The following COMMD10 variants were observed in gnomAD, a reference collection of about 807,000 sequenced individuals.
COMMD10 encodes COMM domain containing 10.
In COMMD10, 33 loss-of-function variants were observed where a neutral mutation model predicts 28.9. The ratio of observed to expected loss-of-function variants is 1.14; its 90% CI spans 0.87 to 1.53. COMMD10 has a LOEUF of 1.53. Ranked by LOEUF, COMMD10 falls within the 40% of genes most tolerant of loss-of-function variation. The pLI is 0.00. For synonymous variants in COMMD10, 110 were observed against 81.7 expected, an observed-to-expected ratio of 1.35 and a Z score of -1.87; for missense variants, 310 against 233.4, an observed-to-expected ratio of 1.33 and a Z score of -2.14.
At chr5:116,192,369 C>T (rs1748393652) in intron 5 of COMMD10, among the ~76,000 whole-genome samples, 1 of 151,386 alleles carries the variant, frequency 6.6e-6, no homozygotes, top group African/African-American at 2.4e-5. Flanking sequence ...TTTAGGTAAT[C>T]AGGGAGGCAC....
Position 116,132,833 on chromosome 5 carries a change from G to A in COMMD10, c.400-1235G>A, listed in dbSNP as rs1218385899. Among the ~76,000 whole-genome samples, 4 of 152,222 alleles carry A rather than the reference G, an allele frequency of 2.6e-5. No homozygotes were observed. The South Asian group carries it at 8.3e-4, about 32-fold the overall frequency. Reference sequence around the variant, plus strand: ...AGAATCCTTACTTAACATGTACCATGAAATTGATTTTTTATTAGTTATTAT... The same window carrying A: ...AGAATCCTTACTTAACATGTACCATAAAATTGATTTTTTATTAGTTATTAT... On this transcript the variant is annotated intron_variant, in intron 4 of 6. Coordinates refer to ENST00000274458, the MANE Select transcript of COMMD10 (RefSeq NM_016144.4).
At chr5:116,138,562 G>C (rs1368280021) in intron 5 of COMMD10, among the ~76,000 whole-genome samples, 2 of 151,600 alleles carry the variant, frequency 1.3e-5, no homozygotes, top group Non-Finnish European at 3.0e-5. Flanking sequence ...AACCTGTTTT[G>C]TTAATACAGG....
intron 5 of COMMD10, among the ~76,000 whole-genome samples, chr5:116,261,779 C>T (rs1391181736): frequency 1.3e-5 from 2 of 151,672 alleles, no homozygotes; most frequent in South Asian, 2.1e-4. Context: ...TGAAATGTTA[C>T]CAGTGGGTTC....
At chr5:116,185,204 G>A (rs1321610876) in intron 5 of COMMD10, among the ~76,000 whole-genome samples, 1 of 150,908 alleles carries the variant, frequency 6.6e-6, no homozygotes, top group Non-Finnish European at 1.5e-5. Context: ...AAACTACAAT[G>A]TATGTCTTAA....
In COMMD10 at chr5:116,105,469, T is replaced by C. The variant is rs190242086; in HGVS notation, c.399+12769T>C. Among the ~76,000 whole-genome samples the C allele has an allele frequency of 5.7e-3, 875 of 152,344 alleles. 8 individuals carry two copies. Among genetic ancestry groups the C allele is most frequent in the African/African-American group, 0.019 (810 of 41,570 alleles). On this transcript the variant is annotated intron_variant, in intron 4 of 6. Coordinates refer to ENST00000274458, the MANE Select transcript of COMMD10 (RefSeq NM_016144.4). ...TTTTGGTATTAGGATGATGTTGGCC[T>C]CGTAAAATGAATTAGGAAGGATTCC...
At chr5:116,151,198 A>G (rs1414874295) in intron 5 of COMMD10, among the ~76,000 whole-genome samples, 4 of 151,676 alleles carry the variant, frequency 2.6e-5, no homozygotes, top group African/African-American at 9.7e-5. Context: ...CTTGCATCCC[A>G]GGGATGAAGC....
intron 5 of COMMD10, among the ~76,000 whole-genome samples, chr5:116,163,867 C>T (rs1005279082): frequency 6.6e-6 from 1 of 151,964 alleles, no homozygotes; most frequent in Admixed American, 6.6e-5. Context: ...ACCCAGTTTC[C>T]ATTTGTGTGA....
chr5:116,128,733 G>A (rs1751749676), intron 4 of COMMD10, among the ~76,000 whole-genome samples: 1 of 151,978 alleles, frequency 6.6e-6, no homozygotes, highest in Non-Finnish European at 1.5e-5. Flanking sequence ...TCTAAACAAT[G>A]TAAGGAATTA....
intron 5 of COMMD10, among the ~76,000 whole-genome samples, chr5:116,147,938 C>T (rs79076552): frequency 0.02 from 2,964 of 151,878 alleles, 92 homozygotes; most frequent in African/African-American, 0.062. Flanking sequence ...TTGTAAACAA[C>T]ATCTTTTATT....
chr5:116,218,155 C>T, intron 5 of COMMD10: 1 of 1,004,508 alleles, frequency 1.0e-6, no homozygotes, highest in Non-Finnish European at 1.6e-6. Flanking sequence ...TCTCTCCCTT[C>T]TTTGCAGGGG....
At chr5:116,272,800 C>T (rs1200053174) in intron 5 of COMMD10, among the ~76,000 whole-genome samples, 2 of 151,798 alleles carry the variant, frequency 1.3e-5, no homozygotes, top group African/African-American at 4.9e-5. Flanking sequence ...TTCTCAATCA[C>T]AATCGTGTAA....
intron 3 of COMMD10, among the ~76,000 whole-genome samples, chr5:116,091,796 A>G (rs779476652): frequency 6.6e-6 from 1 of 152,206 alleles, no homozygotes; most frequent in Non-Finnish European, 1.5e-5. Context: ...ATATAAGCCT[A>G]CCACATTGGT....
chr5:116,280,837 CAT>C (rs1463755634), intron 5 of COMMD10, among the ~76,000 whole-genome samples: 4 of 151,836 alleles, frequency 2.6e-5, no homozygotes, highest in Non-Finnish European at 4.4e-5. Context: ...TATCTGTAGA[CAT>C]ATTTAATAAA....
At chr5:116,264,196 T>A (rs1183304890) in intron 5 of COMMD10, among the ~76,000 whole-genome samples, 3 of 151,888 alleles carry the variant, frequency 2.0e-5, no homozygotes, top group African/African-American at 4.8e-5. Flanking sequence ...AGGTGTACAT[T>A]CTTAGAGGAA....
intron 5 of COMMD10, among the ~76,000 whole-genome samples, chr5:116,244,559 G>T (rs1310558540): frequency 1.3e-5 from 2 of 149,426 alleles, no homozygotes; most frequent in Non-Finnish European, 3.0e-5. Flanking sequence ...CTGAGGAGGG[G>T]TAAAGAATAG....
At chr5:116,251,370 C>T (rs1750114160) in intron 5 of COMMD10, among the ~76,000 whole-genome samples, 4 of 146,234 alleles carry the variant, frequency 2.7e-5, no homozygotes, top group African/African-American at 1.0e-4. Flanking sequence ...TATACATGTG[C>T]CATGCTGGTG....
At chr5:116,124,812 A>G (rs532734097) in intron 4 of COMMD10, among the ~76,000 whole-genome samples, 3 of 152,094 alleles carry the variant, frequency 2.0e-5, no homozygotes, top group African/African-American at 7.2e-5. Flanking sequence ...TGATCCCTTT[A>G]CCATTATGCA....
At chr5:116,201,070 C>T (rs919622963) in intron 5 of COMMD10, among the ~76,000 whole-genome samples, 1 of 152,110 alleles carries the variant, frequency 6.6e-6, no homozygotes, top group Non-Finnish European at 1.5e-5. Flanking sequence ...GGACAGATGG[C>T]TAGAGTGAGC....
intron 4 of COMMD10, among the ~76,000 whole-genome samples, chr5:116,094,604 C>T (rs1185570745): frequency 6.6e-6 from 1 of 152,168 alleles, no homozygotes; most frequent in African/African-American, 2.4e-5. Flanking sequence ...TAGGGAAAAG[C>T]AGTGTGGAGA....
Sources: gnomAD v4.1 joint callset for allele counts (sites outside exome capture counted in the v4.1 genomes callset) on GRCh38, gnomAD v4.1.1 for gene constraint, MANE v1.5 for transcripts, NCBI Gene and HGNC (gene_info 2026-07-23, HGNC 2026-07-21) for gene names.